RIF1: variants seen among roughly 807,000 people sequenced by gnomAD.
The protein encoded by RIF1 is telomere-associated protein RIF1.
In RIF1, 45 loss-of-function variants were observed where a neutral mutation model predicts 247.1. That is an observed-to-expected ratio of 0.18 (90% CI 0.14 to 0.23). The LOEUF (loss-of-function observed/expected upper bound fraction) is 0.23. RIF1 is among the 10% of genes least tolerant of loss of function. The pLI, the probability that RIF1 is intolerant of heterozygous loss-of-function variation, is 1.00. For missense variants in RIF1, 2,967 were observed against 2,862.5 expected (o/e 1.04, Z -0.83); for synonymous variants, 1,087 against 978.8 (o/e 1.11, Z -2.06).
the RIF1 span, chr2:151,513,792 G>A: frequency 1.2e-6 from 1 of 814,972 alleles, no homozygotes; most frequent in African/African-American, 1.7e-5. Context: ...CGCCACCCCA[G>A]TTGTCACAGA....
the RIF1 span, chr2:151,532,037 T>G: frequency 1.6e-6 from 1 of 606,528 alleles, no homozygotes; most frequent in Non-Finnish European, 2.9e-6. Flanking sequence ...TTACTATAAA[T>G]TTGTGTCTGA....
At position 151,431,588 on chromosome 2, in the gene RIF1, G is replaced by A. The variant is rs1214007100; in HGVS notation, c.926-1489G>A. 2.6e-5 allele frequency among the ~76,000 whole-genome samples: 4 copies of A among 152,168 alleles called. No individual in the cohort carries two copies. The East Asian group carries it at 7.7e-4, about 29-fold the overall frequency. Reference sequence around the variant, plus strand: ...AGATCACCTGAGTTCTCGAGTTAGAGACCAGCCTGACCAACATGGAGAAAC... The same window carrying A: ...AGATCACCTGAGTTCTCGAGTTAGAAACCAGCCTGACCAACATGGAGAAAC... On this transcript the variant is annotated intron_variant, in intron 9 of 35. Coordinates refer to ENST00000444746, the MANE Select transcript of RIF1 (RefSeq NM_018151.5).
At chr2:151,495,270 A>G (rs1406072288) in exon 10 of RIF1, 1 of 152,202 alleles carries the variant, frequency 6.6e-6, no homozygotes, top group Non-Finnish European at 1.5e-5. Flanking sequence ...AATGACATTG[A>G]AGAGGAAGAA....
chr2:151,498,498 T>C (rs542134067), intron 10 of RIF1: 2 of 606,236 alleles, frequency 3.3e-6, no homozygotes, highest in Admixed American at 6.0e-5. Flanking sequence ...AACCTGTTTG[T>C]TTGAGCCTAA....
intron 21 of RIF1, among the ~76,000 whole-genome samples, chr2:151,452,704 G>T (rs571585801): frequency 6.6e-6 from 1 of 152,274 alleles, no homozygotes; most frequent in South Asian, 2.1e-4. Context: ...AGAAAAATAG[G>T]CTTATCTCTG....
intron 9 of RIF1, chr2:151,493,544 A>G: frequency 1.3e-6 from 1 of 789,336 alleles, no homozygotes; most frequent in Non-Finnish European, 2.0e-6. Context: ...TGGCTCAGTT[A>G]TATCACACTG....
chr2:151,446,662 C>T, intron 20 of RIF1, 87 bp downstream of exon 20: 1 of 1,208,818 alleles, frequency 8.3e-7, no homozygotes, highest in African/African-American at 1.5e-5. Context: ...GAACTGTCAC[C>T]TATTACTGCC....
chr2:151,524,771 A>G, the RIF1 span, among the ~76,000 whole-genome samples: 2 of 131,798 alleles, frequency 1.5e-5, no homozygotes, highest in African/African-American at 5.7e-5. Context: ...GATTCAAGTG[A>G]TTCTTCTGCC....
intron 9 of RIF1, among the ~76,000 whole-genome samples, chr2:151,432,565 A>T (rs548455864): frequency 6.6e-6 from 1 of 152,348 alleles, no homozygotes; most frequent in Admixed American, 6.5e-5. Context: ...ATTGATTTTT[A>T]AAATGATAGC....
chr2:151,498,146 A>AAGAT lies in RIF1; in HGVS notation c.*514-1198_*514-1195dup, dbSNP rs2061598629. 3.9e-5 allele frequency: 60 copies of AAGAT among 1,530,532 alleles called. No homozygotes were observed. The South Asian group carries it at 6.6e-4, about 17-fold the overall frequency. The allele number at this position is 1,530,532 out of a possible 1,614,324, so 94.8% of individuals were successfully genotyped here. A position where few individuals can be genotyped will look rare whatever the true frequency, so the allele number is the denominator to read the frequency against. On this transcript the variant is annotated intron_variant and NMD_transcript_variant, in intron 10 of 13. Coordinates refer to the RIF1 transcript ENST00000454583. ...GGGAAAGTATATCCTTTTGTAATAT[A>AAGAT]AGATGTATTAGAAGCAAAGAAGGGA...
the RIF1 span, among the ~76,000 whole-genome samples, chr2:151,521,008 ACT>A: frequency 1.3e-5 from 2 of 152,106 alleles, no homozygotes; most frequent in African/African-American, 4.8e-5. Flanking sequence ...CTAGTTATTC[ACT>A]CTAGGAGGAA....
intron 22 of RIF1, 126 bp from the exon 23 acceptor site, chr2:151,456,452 G>A (rs977783636): frequency 2.2e-5 from 12 of 554,914 alleles, no homozygotes; most frequent in Admixed American, 7.8e-5. Context: ...AAGTCTTTGG[G>A]CACCTTTTTA....
the RIF1 span, chr2:151,531,939 G>A: frequency 2.3e-6 from 3 of 1,330,638 alleles, no homozygotes; most frequent in South Asian, 1.2e-5. Flanking sequence ...AAGTTGTAGA[G>A]TGGGCTTTAA....
At chr2:151,461,392 T>C in intron 27 of RIF1, 103 bp downstream of exon 27, 2 of 188,404 alleles carry the variant, frequency 1.1e-5, no homozygotes, top group East Asian at 3.9e-4. Context: ...TGTGTACTAA[T>C]TTTTTTTTTT....
chr2:151,431,256 A>G (rs1038275644), intron 9 of RIF1, among the ~76,000 whole-genome samples: 3 of 152,196 alleles, frequency 2.0e-5, no homozygotes, highest in African/African-American at 7.2e-5. Context: ...GCAGAAGAGC[A>G]GAAAAGACTT....
intron 10 of RIF1, 139 bp downstream of exon 10, chr2:151,433,367 C>CAG: frequency 2.0e-6 from 1 of 510,146 alleles, no homozygotes; most frequent in South Asian, 5.8e-5. Context: ...ACTTTACTGG[C>CAG]AGAGAACTTA....
In RIF1 at chr2:151,464,249, A is replaced by C. The variant is rs1219060422; in HGVS notation, c.4729A>C (p.Asn1577His). The change falls in exon 30 of 36, where the codon AAT becomes CAT. Residue 1577 changes from asparagine to histidine, a missense_variant. Around this residue, in one of 7 missense-constraint regions of RIF1, gnomAD observed 2,028 missense variants for 1,825.6 expected, o/e 1.11. Coordinates refer to ENST00000444746, the MANE Select transcript of RIF1 (RefSeq NM_018151.5). ...ATCTGGAAAATGGAAAAACAAAAGCAATGAAAGTGTTGACATTCAAGATCA... is the reference window on the plus strand; with the variant it reads ...ATCTGGAAAATGGAAAAACAAAAGCCATGAAAGTGTTGACATTCAAGATCA... ...KRSGKWKNKS[N>H]ESVDIQDQEE... 1.9e-6 allele frequency: 3 copies of C among 1,613,862 alleles called. No individual in the cohort carries two copies. The highest frequency in any genetic ancestry group is 2.5e-6 in the Non-Finnish European group (3 of 1,179,990).
In RIF1 at chr2:151,435,503, C is replaced by G. The variant is rs1460924590; in HGVS notation, c.1118C>G (p.Ser373Cys). Residue 373 changes from serine to cysteine, a missense_variant, in exon 11 of 36, where the codon TCT (serine) becomes TGT (cysteine). Physicochemically the swap from Ser to Cys is moderately radical, Grantham distance 112. Coordinates refer to ENST00000444746, the MANE Select transcript of RIF1 (RefSeq NM_018151.5). ...ATTCAAAGTACAATAAGCATTGATT[C>G]TAATGCCTCACCTCAGGGCAATTCG... ...PLIQSTISID[S>C]NASPQGNSCH... is the part of the protein sequence containing the mutation. 6.2e-7 allele frequency: 1 copy of G among 1,612,550 alleles called. No individual in the cohort carries two copies.
intron 8 of RIF1, among the ~76,000 whole-genome samples, chr2:151,424,324 G>C (rs150143439): frequency 6.6e-6 from 1 of 152,110 alleles, no homozygotes; most frequent in Non-Finnish European, 1.5e-5. Flanking sequence ...GGATGGTCTC[G>C]ATCTCCTGAC....
Sources: allele counts gnomAD v4.1 joint callset (sites outside exome capture counted in the v4.1 genomes callset), GRCh38; gene constraint gnomAD v4.1.1; regional missense constraint gnomAD v4.1.1; transcripts MANE v1.5; gene names NCBI Gene and HGNC (gene_info 2026-07-23, HGNC 2026-07-21).